Variants in MAPKAPK2 observed in about 807,000 individuals in gnomAD.
The protein encoded by MAPKAPK2 is MAP kinase-activated protein kinase 2.
In MAPKAPK2, 9 loss-of-function variants were observed where a neutral mutation model predicts 48.8. The ratio of observed to expected loss-of-function variants is 0.18; its 90% CI spans 0.11 to 0.32. The LOEUF is 0.32. Ranked by LOEUF, MAPKAPK2 falls within the 10% of genes least tolerant of loss-of-function variation. The pLI is 1.00. For synonymous variants in MAPKAPK2, 202 were observed against 190.6 expected (o/e 1.06, Z -0.49); for missense variants, 331 against 498.3 (o/e 0.66, Z 3.20).
chr1:206,696,994 C>T (rs185086962), intron 1 of MAPKAPK2, among the ~76,000 whole-genome samples: 1 of 152,292 alleles, frequency 6.6e-6, no homozygotes, highest in Admixed American at 6.5e-5. Context: ...TCCCTCTACC[C>T]ACTTGGATCT....
chr1:206,685,174 C>A lies in MAPKAPK2; in HGVS notation c.-56C>A. The A allele has an allele frequency of 3.7e-6, 1 of 268,550 alleles. No homozygotes were observed. Among genetic ancestry groups the A allele is most frequent in the South Asian group, 1.3e-4 (1 of 7,932 alleles). The allele number at this position is 268,550 out of a possible 1,614,324, so 16.6% of individuals were successfully genotyped here. On this transcript the variant is annotated 5_prime_UTR_variant, in exon 1 of 10. Coordinates refer to ENST00000367103, the MANE Select transcript of MAPKAPK2 (RefSeq NM_032960.4). ...GGGCGGCGGGGAGGGGGCCCGGAGC[C>A]GGAGGAGGGGGCGGCCGCGGGCACC... is the stretch of plus-strand genomic sequence containing the variant.
At chr1:206,722,620 G>T (rs555923362) in intron 1 of MAPKAPK2, among the ~76,000 whole-genome samples, 10 of 152,200 alleles carry the variant, frequency 6.6e-5, no homozygotes, top group Admixed American at 5.2e-4. Context: ...TCTTGCTGCT[G>T]CAGGGCTGGC....
chr1:206,718,037 A>G (rs985862649), intron 1 of MAPKAPK2, among the ~76,000 whole-genome samples: 2 of 152,218 alleles, frequency 1.3e-5, no homozygotes, highest in Admixed American at 1.3e-4. Context: ...ACAAAACTAT[A>G]GAAATGGGAT....
chr1:206,731,541 C>T lies in MAPKAPK2; in HGVS notation c.893-99C>T. 8.5e-7 allele frequency: 1 copy of T among 1,179,864 alleles called. No individual in the cohort carries two copies. The highest frequency in any genetic ancestry group is 1.2e-5 in the South Asian group (1 of 80,986). 73.1% of individuals were successfully genotyped at this position (1,179,864 alleles called of 1,614,324 possible). On this transcript the variant is annotated intron_variant, in intron 7 of 9. Transcript: ENST00000367103. This position sits in a 1 kb window ranked among gnomAD's most constrained non-coding sequence, Gnocchi z 5.9. ...TGCTCCGGCAGCCTGCCTCCATGCACCCCCTCTTTGAACCTGGTTTCCCCA... is the reference window on the plus strand; with the variant it reads ...TGCTCCGGCAGCCTGCCTCCATGCATCCCCTCTTTGAACCTGGTTTCCCCA...
chr1:206,722,959 G>A (rs1279411813), intron 1 of MAPKAPK2, among the ~76,000 whole-genome samples: 4 of 152,248 alleles, frequency 2.6e-5, no homozygotes, highest in Admixed American at 6.5e-5. Context: ...GCTTTCCCCC[G>A]ACCCCCAGCT....
Position 206,731,212 on chromosome 1 carries a change from T to A in MAPKAPK2, c.842T>A (p.Met281Lys), listed in dbSNP as rs1483324985. Residue 281 changes from methionine (M) to lysine (K), a missense_variant, in exon 7 of 10, where the codon ATG becomes AAG. By Grantham distance (95) the Met-to-Lys change is moderately conservative. Around this residue, in one of 4 missense-constraint regions of MAPKAPK2, gnomAD observed 124 missense variants for 194.6 expected, o/e 0.64. Transcript: ENST00000367103. The surrounding 1 kb of genome is among the most constrained non-coding windows in gnomAD (Gnocchi z 5.9). ...CCGGGCATGAAGACTCGCATCCGAA[T>A]GGGCCAGTATGAATTTCCCAACCCA... ...ISPGMKTRIRMGQYEFPNPEW... is the reference protein window; with the variant it reads ...ISPGMKTRIRKGQYEFPNPEW... The A allele has an allele frequency of 6.2e-7, 1 of 1,614,050 alleles. No homozygotes were observed. The highest frequency in any genetic ancestry group is 8.5e-7 in the Non-Finnish European group (1 of 1,180,032).
At chr1:206,711,322 C>T (rs2102397337) in intron 1 of MAPKAPK2, among the ~76,000 whole-genome samples, 1 of 152,208 alleles carries the variant, frequency 6.6e-6, no homozygotes, top group Non-Finnish European at 1.5e-5. Context: ...CTATCTCAGC[C>T]CACTGCAACC....
intron 1 of MAPKAPK2, among the ~76,000 whole-genome samples, chr1:206,689,460 T>C (rs1572474805): frequency 6.6e-6 from 1 of 152,240 alleles, no homozygotes; most frequent in African/African-American, 2.4e-5. Flanking sequence ...TGAGAGGCAG[T>C]GTCCCAAACT....
intron 1 of MAPKAPK2, among the ~76,000 whole-genome samples, chr1:206,700,798 G>A (rs1030542204): frequency 4.6e-5 from 7 of 152,182 alleles, no homozygotes; most frequent in Non-Finnish European, 8.8e-5. Context: ...GTACAAACCA[G>A]TTTTGAGACT....
rs142537156 is a variant in MAPKAPK2 at position 206,708,790 on chromosome 1, C to G, written c.280-19920C>G. ...TCCCAATCATCCCAACACATACCCC[C>G]TCGCAAGTGATCACAGTTCTGATGT... is the stretch of plus-strand genomic sequence containing the variant. On this transcript the variant is annotated intron_variant, in intron 1 of 9. Transcript: ENST00000367103. Among the ~76,000 whole-genome samples, 1,041 of 152,298 alleles carry G rather than the reference C, an allele frequency of 6.8e-3. 12 individuals are homozygous for G. The highest frequency in any genetic ancestry group is 0.023 in the African/African-American group (976 of 41,556).
intron 1 of MAPKAPK2, among the ~76,000 whole-genome samples, chr1:206,696,821 C>T (rs1171505133): frequency 6.6e-6 from 1 of 152,206 alleles, no homozygotes; most frequent in African/African-American, 2.4e-5. Context: ...ATGTGATGTA[C>T]TAGAGGTAAT....
intron 1 of MAPKAPK2, chr1:206,695,875 G>C: frequency 1.8e-6 from 1 of 567,398 alleles, no homozygotes; most frequent in Admixed American, 3.0e-5. Context: ...CTGTCAGAGG[G>C]GTTGGGAGTG....
intron 1 of MAPKAPK2, among the ~76,000 whole-genome samples, chr1:206,718,532 C>CAAAAAAAAAAAAAAAAAAAAAAAAAAAAA (rs60964142): frequency 8.7e-6 from 1 of 114,664 alleles, no homozygotes; most frequent in Non-Finnish European, 1.8e-5. Context: ...GACTCCATCT[C>CAAAAAAAAAAAAAAAAAAAAAAAAAAAAA]AAAAAAAAAA....
At chr1:206,722,085 G>T (rs1471439308) in intron 1 of MAPKAPK2, among the ~76,000 whole-genome samples, 1 of 150,408 alleles carries the variant, frequency 6.6e-6, no homozygotes, top group African/African-American at 2.4e-5. Flanking sequence ...AAAAGGCCAG[G>T]CACGGTGGCT....
Position 206,732,437 on chromosome 1 carries a change from C to T in MAPKAPK2, c.1060-138C>T, listed in dbSNP as rs868962824. ...TGTCAGCGTGGACCACTAACCAGCC[C>T]GTCTTCTCTCTCTGCTCCCACCCCT... On this transcript the variant is annotated intron_variant, in intron 9 of 9. Coordinates refer to ENST00000367103, the MANE Select transcript of MAPKAPK2 (RefSeq NM_032960.4). The surrounding 1 kb of genome is among the most constrained non-coding windows in gnomAD (Gnocchi z 4.4). The T allele has an allele frequency of 1.3e-5, 19 of 1,480,378 alleles. No individual in the cohort carries two copies. The highest frequency in any genetic ancestry group is 2.5e-4 in the Middle Eastern group (1 of 3,972). The allele number at this position is 1,480,378 out of a possible 1,614,324, so 91.7% of individuals were successfully genotyped here.
chr1:206,690,845 C>T (rs1451331646), intron 1 of MAPKAPK2, among the ~76,000 whole-genome samples: 2 of 152,184 alleles, frequency 1.3e-5, no homozygotes, highest in South Asian at 2.1e-4. Context: ...TTCCTGGTGG[C>T]GTGATGTCTG....
At chr1:206,701,019 G>C (rs1672777210) in intron 1 of MAPKAPK2, among the ~76,000 whole-genome samples, 1 of 152,200 alleles carries the variant, frequency 6.6e-6, no homozygotes, top group Non-Finnish European at 1.5e-5. Context: ...TGTACCTGTT[G>C]CCTCTGGTAC....
chr1:206,712,425 C>G (rs552456060), intron 1 of MAPKAPK2, among the ~76,000 whole-genome samples: 2 of 152,330 alleles, frequency 1.3e-5, no homozygotes, highest in South Asian at 4.1e-4. Flanking sequence ...AACCTTGGCT[C>G]TCATTCATGT....
Position 206,730,033 on chromosome 1 carries a change from G to T in MAPKAPK2, c.626G>T (p.Gly209Val). 1 of 1,614,214 alleles carries T rather than the reference G, an allele frequency of 6.2e-7. No individual in the cohort carries two copies. Among genetic ancestry groups the T allele is most frequent in the Non-Finnish European group, 8.5e-7 (1 of 1,180,044 alleles). Reference sequence around the variant, plus strand: ...GCCATCCTGAAACTCACTGACTTTGGCTTTGCCAAGGAAACCACCAGCCAC... The same window carrying T: ...GCCATCCTGAAACTCACTGACTTTGTCTTTGCCAAGGAAACCACCAGCCAC... ...PNAILKLTDF[G>V]FAKETTSHNS... Residue 209 changes from glycine (G) to valine (V), a missense_variant, in exon 5 of 10, where the codon GGC (glycine) becomes GTC (valine). Around this residue, in one of 4 missense-constraint regions of MAPKAPK2, gnomAD observed 111 missense variants for 193.6 expected, o/e 0.57. Coordinates refer to ENST00000367103, the MANE Select transcript of MAPKAPK2 (RefSeq NM_032960.4).
Sources: gnomAD v4.1 joint callset for allele counts (sites outside exome capture counted in the v4.1 genomes callset) on GRCh38, gnomAD v4.1.1 for gene constraint, gnomAD v4.1.1 regional missense constraint, Gnocchi (gnomAD v3.1) non-coding constraint, MANE v1.5 for transcripts, NCBI Gene and HGNC (gene_info 2026-07-23, HGNC 2026-07-21) for gene names.